The following KRABD4 variants were observed in gnomAD, a reference collection of about 807,000 sequenced individuals.
The protein encoded by KRABD4 is KRAB domain-containing protein 4.
chrX:46,457,629 T>G, the KRABD4 span, among the ~76,000 whole-genome samples: 11 of 108,254 alleles, frequency 1.0e-4, no homozygotes, highest in Non-Finnish European at 1.7e-4. Context: ...CAGAGTTTTT[T>G]TTTTTTTTTT....
the KRABD4 span, among the ~76,000 whole-genome samples, chrX:46,459,396 T>C: frequency 4.5e-5 from 5 of 111,279 alleles, no homozygotes; most frequent in African/African-American, 1.6e-4. Flanking sequence ...ATTTTCTGAA[T>C]TTGGGGATTG....
chrX:46,472,944 GA>G, the KRABD4 span: 1 of 1,209,963 alleles, frequency 8.3e-7, no homozygotes, highest in Non-Finnish European at 1.1e-6. Context: ...TTATTCGTGG[GA>G]AAAGGCATTC....
the KRABD4 span, among the ~76,000 whole-genome samples, chrX:46,460,807 G>A: frequency 7.3e-5 from 8 of 108,899 alleles, 1 homozygote; most frequent in South Asian, 3.2e-3. Flanking sequence ...TTTTATGGAG[G>A]CTTCATCACA....
At chrX:46,461,072 C>A in the KRABD4 span, among the ~76,000 whole-genome samples, 1 of 104,621 alleles carries the variant, frequency 9.6e-6, no homozygotes. Context: ...AGGACAAAAA[C>A]CAAATATATA....
At chrX:46,463,412 A>G in the KRABD4 span, 3 of 705,914 alleles carry the variant, frequency 4.2e-6, no homozygotes, top group Non-Finnish European at 6.7e-6. Context: ...GGACATGCCT[A>G]GGCTCTGATG....
the KRABD4 span, among the ~76,000 whole-genome samples, chrX:46,458,151 A>G: frequency 7.1e-5 from 8 of 112,618 alleles, 1 homozygote; most frequent in African/African-American, 2.3e-4. Context: ...GCCTTCTTTT[A>G]TACACTAAAA....
chrX:46,450,991 C>T, the KRABD4 span, among the ~76,000 whole-genome samples: 2 of 111,657 alleles, frequency 1.8e-5, no homozygotes, highest in East Asian at 5.6e-4. Flanking sequence ...CGCGAGCCAC[C>T]ATGCTCTCTA....
At chrX:46,467,375 T>C in the KRABD4 span, among the ~76,000 whole-genome samples, 3 of 110,658 alleles carry the variant, frequency 2.7e-5, no homozygotes, top group Non-Finnish European at 5.7e-5. Flanking sequence ...CAGCATATAG[T>C]GAAACCCCGT....
chrX:46,473,655 C>CTTT, the KRABD4 span: 41 of 176,703 alleles, frequency 2.3e-4, no homozygotes, highest in Non-Finnish European at 3.0e-4. Context: ...ATCAGTGAAT[C>CTTT]TTTTTTTTTT....
chrX:46,460,598 C>T, the KRABD4 span, among the ~76,000 whole-genome samples: 1 of 100,225 alleles, frequency 1.0e-5, no homozygotes, highest in Non-Finnish European at 2.0e-5. Flanking sequence ...GCTGTCTGAA[C>T]CCACCCAGCC....
At chrX:46,464,409 GT>G in the KRABD4 span, among the ~76,000 whole-genome samples, 1 of 112,341 alleles carries the variant, frequency 8.9e-6, no homozygotes, top group Non-Finnish European at 1.9e-5. Context: ...CATAGGCACA[GT>G]AAAGCTTGAA....
chrX:46,471,880 G>T, the KRABD4 span: 1 of 112,206 alleles, frequency 8.9e-6, no homozygotes, highest in South Asian at 3.7e-4. Context: ...AGGACATCTT[G>T]GTTGCTTCCA....
chrX:46,468,236 C>T, the KRABD4 span, among the ~76,000 whole-genome samples: 1,313 of 111,283 alleles, frequency 0.012, 22 homozygotes, highest in African/African-American at 0.041. Context: ...TATTATTTGA[C>T]ATCTACTTTA....
chrX:46,464,582 C>G, the KRABD4 span, among the ~76,000 whole-genome samples: 1 of 112,333 alleles, frequency 8.9e-6, no homozygotes, highest in Non-Finnish European at 1.9e-5. Context: ...TCCCACCACT[C>G]TAGCTTCCCC....
the KRABD4 span, chrX:46,450,444 G>C: frequency 1.7e-6 from 2 of 1,205,140 alleles, no homozygotes; most frequent in Non-Finnish European, 2.2e-6. Flanking sequence ...TCCATCCTTT[G>C]TCCAGAGCAG....
At chrX:46,469,814 A>G in the KRABD4 span, among the ~76,000 whole-genome samples, 1 of 111,678 alleles carries the variant, frequency 9.0e-6, no homozygotes, top group Non-Finnish European at 1.9e-5. Flanking sequence ...ACCATTAGGC[A>G]TAATTTTACT....
chrX:46,455,690 C>G, the KRABD4 span: 1 of 381,907 alleles, frequency 2.6e-6, no homozygotes, highest in Non-Finnish European at 4.8e-6. Flanking sequence ...CATGGAGCTG[C>G]AAGTTGTACA....
the KRABD4 span, among the ~76,000 whole-genome samples, chrX:46,470,594 A>G: frequency 2.6e-3 from 285 of 110,511 alleles, no homozygotes; most frequent in Middle Eastern, 9.3e-3. Flanking sequence ...CACCATTTGA[A>G]GAACATTCCT....
the KRABD4 span, among the ~76,000 whole-genome samples, chrX:46,468,782 AT>A: frequency 9.0e-6 from 1 of 111,709 alleles, no homozygotes; most frequent in Non-Finnish European, 1.9e-5. Flanking sequence ...TTCTTTCTTA[AT>A]TAACTTACTT....
Sources: allele counts gnomAD v4.1 joint callset (sites outside exome capture counted in the v4.1 genomes callset), GRCh38; gene constraint gnomAD v4.1.1; transcripts MANE v1.5; gene names NCBI Gene and HGNC (gene_info 2026-07-23, HGNC 2026-07-21).